The following C10orf90 variants were observed in gnomAD, a reference collection of about 807,000 sequenced individuals.
The protein encoded by C10orf90 is chromosome 10 open reading frame 90.
In C10orf90, 56 loss-of-function variants were observed where a neutral mutation model predicts 62.5. That is an observed-to-expected ratio of 0.90 (90% CI 0.72 to 1.12). C10orf90 has a LOEUF of 1.12. Ranked by LOEUF, C10orf90 falls within the 50% of genes most tolerant of loss-of-function variation. C10orf90 has a pLI of 0.00. For missense variants in C10orf90, 970 were observed against 880.4 expected (o/e 1.10, Z -1.29); for synonymous variants, 386 against 340.4 (o/e 1.13, Z -1.47).
chr10:126,638,503 G>C (rs1326646822), intron 2 of C10orf90, among the ~76,000 whole-genome samples: 1 of 152,056 alleles, frequency 6.6e-6, no homozygotes, highest in Non-Finnish European at 1.5e-5. Flanking sequence ...CAGCAGCTGT[G>C]CTGATCCCTG....
At chr10:126,434,155 G>C (rs1381184029) in intron 7 of C10orf90, among the ~76,000 whole-genome samples, 3 of 152,174 alleles carry the variant, frequency 2.0e-5, no homozygotes, top group Non-Finnish European at 4.4e-5. Context: ...AGATTTCAGT[G>C]CTTCTGAGAA....
chr10:126,644,771 T>C (rs1283092540), intron 2 of C10orf90, among the ~76,000 whole-genome samples: 1 of 152,180 alleles, frequency 6.6e-6, no homozygotes, highest in Non-Finnish European at 1.5e-5. Flanking sequence ...CCAGGCCTCG[T>C]TGTTCTCACG....
At chr10:126,502,130 A>AACAC (rs139967305) in intron 4 of C10orf90, among the ~76,000 whole-genome samples, 28 of 149,356 alleles carry the variant, frequency 1.9e-4, no homozygotes, top group African/African-American at 6.4e-4. Flanking sequence ...ACACACACAC[A>AACAC]ACACACACAC....
intron 2 of C10orf90, among the ~76,000 whole-genome samples, chr10:126,607,344 C>T (rs1845334548): frequency 6.6e-6 from 1 of 152,294 alleles, no homozygotes; most frequent in East Asian, 1.9e-4. Context: ...AATTGTTACT[C>T]ATTGTAGTTG....
At position 126,668,745 on chromosome 10, in the gene C10orf90, G is replaced by A. The variant is rs143046208; in HGVS notation, c.240+1496C>T. ...ATCCAGCCCATCAGACTGATTGTGG[G>A]TGGGGGCTTGGATCTGGCATTCATT... On this transcript the variant is annotated intron_variant, in intron 1 of 9. Coordinates refer to ENST00000488181, the MANE Select transcript of C10orf90 (RefSeq NM_001350921.2). Among the ~76,000 whole-genome samples the A allele has an allele frequency of 1.6e-3, 238 of 152,282 alleles. 1 individual carries two copies. Among genetic ancestry groups the A allele is most frequent in the African/African-American group, 5.4e-3 (225 of 41,540 alleles).
chr10:126,580,144 T>C (rs1324829278), intron 2 of C10orf90, among the ~76,000 whole-genome samples: 1 of 152,058 alleles, frequency 6.6e-6, no homozygotes, highest in Non-Finnish European at 1.5e-5. Flanking sequence ...AAACACTGCC[T>C]AGTGAGAGGG....
At chr10:126,516,235 C>T (rs376575402) in intron 2 of C10orf90, among the ~76,000 whole-genome samples, 9 of 152,176 alleles carry the variant, frequency 5.9e-5, no homozygotes, top group African/African-American at 1.9e-4. Flanking sequence ...CTTTGCCATC[C>T]GAGCACTGAG....
chr10:126,528,190 G>T (rs964647760), intron 2 of C10orf90, among the ~76,000 whole-genome samples: 1 of 152,124 alleles, frequency 6.6e-6, no homozygotes, highest in African/African-American at 2.4e-5. Context: ...TGCCTGAGAA[G>T]CCATAGGCCG....
chr10:126,464,835 A>G lies in C10orf90; in HGVS notation c.1686T>C (p.Leu562=). The G allele has an allele frequency of 6.2e-7, 1 of 1,614,166 alleles. No homozygotes were observed. Among genetic ancestry groups the G allele is most frequent in the Non-Finnish European group, 8.5e-7 (1 of 1,180,042 alleles). ...GATGTCGTCTCTCTGTGGGCTCAGA[A>G]AGGTCTCTAGACAGACAGTCATCGC... The part of the protein sequence containing the change: ...SPSDDCLSRD[L]SEPTERRHQS... The change falls in exon 5 of 10, where the codon CTT becomes CTC. Residue 562 remains leucine, a synonymous_variant. Transcript: ENST00000488181.
At chr10:126,539,858 G>T (rs1465137496) in intron 2 of C10orf90, among the ~76,000 whole-genome samples, 1 of 152,172 alleles carries the variant, frequency 6.6e-6, no homozygotes, top group Non-Finnish European at 1.5e-5. Context: ...GAAGAGGCAA[G>T]CATTCCCAGG....
intron 2 of C10orf90, among the ~76,000 whole-genome samples, chr10:126,546,239 C>T (rs897207441): frequency 1.3e-5 from 2 of 152,216 alleles, no homozygotes; most frequent in African/African-American, 4.8e-5. Flanking sequence ...TACCCTCATG[C>T]CCACATGCCA....
At chr10:126,633,921 T>A (rs1390444397) in intron 2 of C10orf90, among the ~76,000 whole-genome samples, 1 of 152,188 alleles carries the variant, frequency 6.6e-6, no homozygotes, top group African/African-American at 2.4e-5. Context: ...TAATCAAAAC[T>A]ACAATGAGGT....
At position 126,425,622 on chromosome 10, in the gene C10orf90, T is replaced by A; in HGVS notation, c.*242A>T. The A allele has an allele frequency of 5.4e-6, 3 of 560,650 alleles. No homozygotes were observed. Among genetic ancestry groups the A allele is most frequent in the South Asian group, 5.1e-5 (2 of 39,122 alleles). The allele number at this position is 560,650 out of a possible 1,614,324, so 34.7% of individuals were successfully genotyped here. A position where few individuals can be genotyped will look rare whatever the true frequency, so the allele number is the denominator to read the frequency against. On this transcript the variant is annotated 3_prime_UTR_variant, in exon 10 of 10. Coordinates refer to ENST00000488181, the MANE Select transcript of C10orf90 (RefSeq NM_001350921.2). ...AAGCAAAAACATTAAGGGGACTGTA[T>A]CCAGTGGGTTACATGGAGGTGGTTT...
intron 2 of C10orf90, among the ~76,000 whole-genome samples, chr10:126,592,035 A>T (rs2804440): frequency 0.037 from 5,608 of 152,242 alleles, 271 homozygotes; most frequent in South Asian, 0.22. Flanking sequence ...CCCCTGCTCA[A>T]GGAAATCAGA....
chr10:126,512,408 GTGTC>G (rs879468661), intron 3 of C10orf90, among the ~76,000 whole-genome samples: 8,370 of 140,384 alleles, frequency 0.06, 779 homozygotes, highest in African/African-American at 0.23. Flanking sequence ...GTGTGTCTGT[GTGTC>G]TGTGTGTGTG....
chr10:126,638,803 G>C (rs995607865), intron 2 of C10orf90, among the ~76,000 whole-genome samples: 8 of 152,106 alleles, frequency 5.3e-5, no homozygotes, highest in African/African-American at 1.9e-4. Context: ...GTGTTCACAC[G>C]GTTCCTCAGT....
intron 2 of C10orf90, among the ~76,000 whole-genome samples, chr10:126,622,813 G>A (rs1845672243): frequency 6.6e-6 from 1 of 152,168 alleles, no homozygotes; most frequent in East Asian, 1.9e-4. Context: ...TAGTCAGAAA[G>A]GCGCACATAC....
chr10:126,538,527 A>G (rs1864298969), intron 2 of C10orf90, among the ~76,000 whole-genome samples: 1 of 152,236 alleles, frequency 6.6e-6, no homozygotes, highest in Non-Finnish European at 1.5e-5. Flanking sequence ...TAAGCTGCCA[A>G]GTGCATGGTG....
At chr10:126,458,940 G>T in intron 7 of C10orf90, 100 bp downstream of exon 7, 1 of 1,257,670 alleles carries the variant, frequency 8.0e-7, no homozygotes, top group Non-Finnish European at 1.1e-6. Context: ...GCGTATGTCA[G>T]TGGCATCATT....
Sources: gnomAD v4.1 joint callset for allele counts (sites outside exome capture counted in the v4.1 genomes callset) on GRCh38, gnomAD v4.1.1 for gene constraint, MANE v1.5 for transcripts, NCBI Gene and HGNC (gene_info 2026-07-23, HGNC 2026-07-21) for gene names.